CHIC2: variants seen among roughly 807,000 people sequenced by gnomAD.
The protein encoded by CHIC2 is cysteine rich hydrophobic domain 2, also known as cysteine-rich hydrophobic domain-containing protein 2.
In CHIC2, 14 loss-of-function variants were observed where a neutral mutation model predicts 25.9. The observed-to-expected ratio is 0.54, with a 90% CI of 0.36 to 0.85. The LOEUF (loss-of-function observed/expected upper bound fraction) is 0.85. Among genes scored for constraint, CHIC2 ranks in the 40% least tolerant of loss-of-function variants. CHIC2 has a pLI of 0.01. For missense variants in CHIC2, 146 were observed against 202.0 expected, an observed-to-expected ratio of 0.72 and a Z score of 1.68; for synonymous variants, 70 against 72.0, an observed-to-expected ratio of 0.97 and a Z score of 0.14.
intron 3 of CHIC2, among the ~76,000 whole-genome samples, chr4:54,037,441 A>C (rs962408166): frequency 6.6e-6 from 1 of 152,172 alleles, no homozygotes; most frequent in Admixed American, 6.5e-5. Flanking sequence ...GAAAAAGCAA[A>C]TTAATCTATA....
At chr4:54,018,021 C>T (rs1232649537) in intron 3 of CHIC2, among the ~76,000 whole-genome samples, 1 of 152,156 alleles carries the variant, frequency 6.6e-6, no homozygotes, top group African/African-American at 2.4e-5. Context: ...GTAGTAGTAA[C>T]ATAAGAATAG....
At chr4:54,012,277 CTTTA>C (rs938671764) in intron 5 of CHIC2, among the ~76,000 whole-genome samples, 1 of 151,938 alleles carries the variant, frequency 6.6e-6, no homozygotes, top group Non-Finnish European at 1.5e-5. Context: ...TTTATTTTAT[CTTTA>C]CTACTCTTCT....
At chr4:54,019,895 T>TAA (rs11441353) in intron 3 of CHIC2, among the ~76,000 whole-genome samples, 9 of 151,100 alleles carry the variant, frequency 6.0e-5, no homozygotes, top group African/African-American at 1.2e-4. Context: ...CTATTATTGT[T>TAA]AAAAAAAAAT....
chr4:54,087,747 C>T, the CHIC2 span: 3 of 498,554 alleles, frequency 6.0e-6, no homozygotes, highest in South Asian at 1.4e-4. Context: ...GCGGTGATTA[C>T]AAAGTAGCTT....
At chr4:54,020,377 G>T (rs1254474873) in intron 3 of CHIC2, among the ~76,000 whole-genome samples, 1 of 152,248 alleles carries the variant, frequency 6.6e-6, no homozygotes, top group East Asian at 1.9e-4. Flanking sequence ...AAACCTGTAA[G>T]AACTAATGAT....
intron 3 of CHIC2, among the ~76,000 whole-genome samples, chr4:54,038,327 A>G (rs1213161743): frequency 6.6e-6 from 1 of 152,222 alleles, no homozygotes; most frequent in African/African-American, 2.4e-5. Context: ...ATGTACTAGC[A>G]GTGAACAACT....
chr4:54,012,009 T>A (rs1320627998), intron 5 of CHIC2, among the ~76,000 whole-genome samples: 1 of 152,060 alleles, frequency 6.6e-6, no homozygotes, highest in Non-Finnish European at 1.5e-5. Context: ...ACTTTTAAAA[T>A]TCATTTTTAT....
upstream of CHIC2, among the ~76,000 whole-genome samples, chr4:54,064,897 C>G (rs1038033915): frequency 6.6e-6 from 1 of 152,194 alleles, no homozygotes; most frequent in African/African-American, 2.4e-5. The surrounding 1 kb of genome is among the most constrained non-coding windows in gnomAD (Gnocchi z 4.2). Flanking sequence ...GGCCGCGACC[C>G]GCGACTCCGA....
chr4:54,030,561 C>CACACATACAT (rs1553885015), intron 3 of CHIC2, among the ~76,000 whole-genome samples: 7 of 144,552 alleles, frequency 4.8e-5, no homozygotes, highest in Admixed American at 2.8e-4. Context: ...TGTATACACA[C>CACACATACAT]ACACACACAC....
the CHIC2 span, among the ~76,000 whole-genome samples, chr4:54,075,769 G>A: frequency 1.3e-5 from 2 of 152,192 alleles, no homozygotes; most frequent in African/African-American, 4.8e-5. Context: ...GGCCAGGCTG[G>A]CCTTGAACTC....
At chr4:54,018,912 CATTA>C (rs1446259777) in intron 3 of CHIC2, among the ~76,000 whole-genome samples, 3 of 151,880 alleles carry the variant, frequency 2.0e-5, no homozygotes, top group South Asian at 2.1e-4. Context: ...ATCTATAATG[CATTA>C]ATTAACCTTT....
At chr4:54,047,136 A>G (rs1716854530) in intron 3 of CHIC2, among the ~76,000 whole-genome samples, 1 of 152,218 alleles carries the variant, frequency 6.6e-6, no homozygotes, top group African/African-American at 2.4e-5. Context: ...GATCATTAAA[A>G]AGTCAGGAAA....
chr4:54,090,300 C>A, the CHIC2 span, among the ~76,000 whole-genome samples: 1 of 152,294 alleles, frequency 6.6e-6, no homozygotes, highest in African/African-American at 2.4e-5. Flanking sequence ...ATTCTCCTGT[C>A]TCAGCCTCCC....
At chr4:54,022,023 C>A (rs949119424) in intron 3 of CHIC2, among the ~76,000 whole-genome samples, 1 of 152,152 alleles carries the variant, frequency 6.6e-6, no homozygotes, top group Non-Finnish European at 1.5e-5. Flanking sequence ...ACTCCAAACA[C>A]CTGAAGTGCA....
rs141846947 is a variant in CHIC2, at chr4:54,050,884, CTT to C, written c.120-1581_120-1580del. On this transcript the variant is annotated intron_variant, in intron 1 of 5. Coordinates refer to ENST00000263921, the MANE Select transcript of CHIC2 (RefSeq NM_012110.4). ...TTAAGCACCACATACTTGTATATAT[CTT>C]CACTTTAACCAAAAACCCTGTTGAA... Among the ~76,000 whole-genome samples the C allele has an allele frequency of 4.6e-3, 696 of 152,076 alleles. 1 individual carries two copies. The highest frequency in any genetic ancestry group is 0.016 in the African/African-American group (651 of 41,512).
the CHIC2 span, chr4:54,087,436 C>T: frequency 3.5e-4 from 218 of 615,354 alleles, no homozygotes; most frequent in Non-Finnish European, 4.9e-4. Context: ...AGGGAAACGT[C>T]GATAATAAGG....
the CHIC2 span, among the ~76,000 whole-genome samples, chr4:54,079,578 A>G: frequency 1.7e-4 from 26 of 152,160 alleles, no homozygotes; most frequent in African/African-American, 5.5e-4. Flanking sequence ...AGTGAAAGAC[A>G]AAAAACCTGA....
intron 5 of CHIC2, among the ~76,000 whole-genome samples, chr4:54,012,199 G>A (rs1715616020): frequency 6.6e-6 from 1 of 151,700 alleles, no homozygotes; most frequent in African/African-American, 2.4e-5. Flanking sequence ...TGATCCTGCT[G>A]CCTCAGCCTC....
chr4:54,019,138 G>C (rs929295418), intron 3 of CHIC2, among the ~76,000 whole-genome samples: 12 of 151,814 alleles, frequency 7.9e-5, no homozygotes, highest in African/African-American at 2.9e-4. Context: ...ATTCACTTCT[G>C]CTCATTCTGG....
Sources: allele counts gnomAD v4.1 joint callset (sites outside exome capture counted in the v4.1 genomes callset), GRCh38; gene constraint gnomAD v4.1.1; non-coding constraint Gnocchi (gnomAD v3.1); transcripts MANE v1.5; gene names NCBI Gene and HGNC (gene_info 2026-07-23, HGNC 2026-07-21).